DNAJC12: variants seen among roughly 807,000 people sequenced by gnomAD.
DNAJC12 encodes DnaJ heat shock protein family (Hsp40) member C12.
A neutral mutation model predicts 28.5 loss-of-function variants in DNAJC12; 25 were observed. That is an observed-to-expected ratio of 0.88 (90% CI 0.64 to 1.22). The LOEUF is 1.22. DNAJC12 is among the 50% of genes most tolerant of loss of function. DNAJC12 has a pLI of 0.00. For missense variants in DNAJC12, 222 were observed against 231.7 expected (o/e 0.96, Z 0.27); for synonymous variants, 77 against 80.6 (o/e 0.95, Z 0.24).
intron 1 of DNAJC12, among the ~76,000 whole-genome samples, chr10:67,835,717 GACACACACACACAC>G (rs34238470): frequency 8.4e-6 from 1 of 118,954 alleles, no homozygotes; most frequent in Non-Finnish European, 1.9e-5. Context: ...GAGAAAAAAT[GACACACACACACAC>G]ACACACACAC....
rs1350099646 is a variant in DNAJC12, at chr10:67,811,624, A to G, written c.197T>C (p.Leu66Pro). The G allele has an allele frequency of 6.2e-7, 1 of 1,614,124 alleles. No homozygotes were observed. The highest frequency in any genetic ancestry group is 2.2e-5 in the East Asian group (1 of 44,888). ...FQKLQKAKEILTNEESRARYD... is the reference protein window; with the variant it reads ...FQKLQKAKEIPTNEESRARYD... ...GCGGGCTCGACTCTCTTCATTGGTC[A>G]GAATCTCCTTTGCCTTCTGCAGTTT... The change falls in exon 3 of 5, where the codon CTG becomes CCG. Residue 66 changes from leucine to proline, a missense_variant. Coordinates refer to ENST00000225171, the MANE Select transcript of DNAJC12 (RefSeq NM_021800.3).
At chr10:67,819,457 G>A (rs1841949607) in intron 2 of DNAJC12, among the ~76,000 whole-genome samples, 1 of 151,232 alleles carries the variant, frequency 6.6e-6, no homozygotes, top group African/African-American at 2.4e-5. Context: ...TGGCAAACAT[G>A]GTGAAACCCC....
At chr10:67,829,532 T>C (rs1842071865) in intron 1 of DNAJC12, among the ~76,000 whole-genome samples, 1 of 151,992 alleles carries the variant, frequency 6.6e-6, no homozygotes, top group African/African-American at 2.4e-5. Context: ...TTCCAGCTAC[T>C]CCGGAGGCTG....
chr10:67,809,944 T>C (rs975750578), intron 3 of DNAJC12, among the ~76,000 whole-genome samples: 5 of 152,130 alleles, frequency 3.3e-5, no homozygotes, highest in African/African-American at 4.8e-5. Flanking sequence ...TTCACCACCA[T>C]ACAATTCATC....
intron 1 of DNAJC12, among the ~76,000 whole-genome samples, chr10:67,828,765 T>G (rs1842062742): frequency 6.6e-6 from 1 of 152,004 alleles, no homozygotes; most frequent in Non-Finnish European, 1.5e-5. Context: ...GGAATTTGTC[T>G]AAGGAGATAA....
chr10:67,821,271 C>T (rs902001142), intron 2 of DNAJC12, among the ~76,000 whole-genome samples: 1 of 151,982 alleles, frequency 6.6e-6, no homozygotes, highest in African/African-American at 2.4e-5. Context: ...AATCCCAGCA[C>T]TTTGGGAGGC....
At chr10:67,803,266 T>A (rs1841766213) in intron 4 of DNAJC12, among the ~76,000 whole-genome samples, 1 of 152,150 alleles carries the variant, frequency 6.6e-6, no homozygotes, top group Non-Finnish European at 1.5e-5. Context: ...ATACAACTCA[T>A]CAGTGAAAAG....
intron 1 of DNAJC12, among the ~76,000 whole-genome samples, chr10:67,831,137 G>C (rs554970201): frequency 5.3e-5 from 8 of 152,296 alleles, no homozygotes; most frequent in Admixed American, 4.6e-4. Flanking sequence ...GCAGTGAGCT[G>C]AGATCGCACC....
At chr10:67,804,079 G>T (rs746549842) in intron 4 of DNAJC12, among the ~76,000 whole-genome samples, 1 of 152,186 alleles carries the variant, frequency 6.6e-6, no homozygotes, top group Admixed American at 6.5e-5. Flanking sequence ...GTTCAGGAAC[G>T]TTCTGCTTAA....
chr10:67,821,243 A>G (rs2131806430), intron 2 of DNAJC12, among the ~76,000 whole-genome samples: 1 of 152,284 alleles, frequency 6.6e-6, no homozygotes, highest in African/African-American at 2.4e-5. Context: ...AAGGCCAGGC[A>G]CAGTGACTAA....
chr10:67,821,772 G>A (rs186391908), intron 2 of DNAJC12, among the ~76,000 whole-genome samples: 125 of 152,256 alleles, frequency 8.2e-4, no homozygotes, highest in Middle Eastern at 3.4e-3. Flanking sequence ...TACAGCAATG[G>A]CACCCAGCAT....
intron 1 of DNAJC12, chr10:67,825,666 C>T (rs1450699440): frequency 1.2e-3 from 2 of 1,666 alleles, no homozygotes; most frequent in East Asian, 0.12. Context: ...TTATCAGTTC[C>T]GTGTCATCCT....
chr10:67,811,628 T>A lies in DNAJC12; in HGVS notation c.193A>T (p.Ile65Phe), dbSNP rs1841861365. The A allele has an allele frequency of 6.2e-7, 1 of 1,613,950 alleles. No homozygotes were observed. Among genetic ancestry groups the A allele is most frequent in the African/African-American group, 1.3e-5 (1 of 74,918 alleles). ...TFQKLQKAKEILTNEESRARY... is the reference protein window; with the variant it reads ...TFQKLQKAKEFLTNEESRARY... ...GCTCGACTCTCTTCATTGGTCAGAATCTCCTTTGCCTTCTGCAGTTTCTGA... is the reference window on the plus strand; with the variant it reads ...GCTCGACTCTCTTCATTGGTCAGAAACTCCTTTGCCTTCTGCAGTTTCTGA... Residue 65 changes from isoleucine to phenylalanine, a missense_variant, in exon 3 of 5, where the codon ATT becomes TTT. By Grantham distance (21) the Ile-to-Phe change is conservative. Coordinates refer to ENST00000225171, the MANE Select transcript of DNAJC12 (RefSeq NM_021800.3).
intron 2 of DNAJC12, among the ~76,000 whole-genome samples, chr10:67,815,519 A>AAG (rs893490213): frequency 3.3e-5 from 5 of 150,950 alleles, no homozygotes; most frequent in Non-Finnish European, 7.4e-5. Flanking sequence ...AAAAAAAAAA[A>AAG]AAAAAAAAGA....
chr10:67,803,791 A>G (rs1034355355), intron 4 of DNAJC12, among the ~76,000 whole-genome samples: 1 of 152,230 alleles, frequency 6.6e-6, no homozygotes, highest in Non-Finnish European at 1.5e-5. Flanking sequence ...TGCTTAAAAC[A>G]CTGTTTTTCT....
At chr10:67,826,788 ATT>A (rs1842038730) in intron 1 of DNAJC12, among the ~76,000 whole-genome samples, 1 of 120,640 alleles carries the variant, frequency 8.3e-6, no homozygotes, top group South Asian at 2.4e-4. Flanking sequence ...AATATATATC[ATT>A]AGATATCAGA....
chr10:67,819,735 G>A lies in DNAJC12; in HGVS notation c.157+3579C>T, dbSNP rs1325034225. 3.7e-3 allele frequency among the ~76,000 whole-genome samples: 74 copies of A among 20,226 alleles called. 1 individual carries two copies. Among genetic ancestry groups the A allele is most frequent in the African/African-American group, 7.4e-3 (34 of 4,600 alleles). The allele number at this position is 20,226 out of a possible 152,430, so 13.3% of individuals were successfully genotyped here. On this transcript the variant is annotated intron_variant, in intron 2 of 4. Transcript: ENST00000225171. ...GGAAGGAAGCAAGGAAGGAAGGAAG[G>A]AAGGAAGGAAGGAAGGAAGGAAGGA...
At chr10:67,818,232 A>G (rs1214285848) in intron 2 of DNAJC12, among the ~76,000 whole-genome samples, 1 of 152,172 alleles carries the variant, frequency 6.6e-6, no homozygotes, top group African/African-American at 2.4e-5. Flanking sequence ...TATTTTCATC[A>G]GTAACCTTAA....
At chr10:67,811,440 A>C in intron 3 of DNAJC12, 84 bp downstream of exon 3, 1 of 1,577,676 alleles carries the variant, frequency 6.3e-7, no homozygotes, top group Non-Finnish European at 8.6e-7. Flanking sequence ...CTATCGCCTA[A>C]TGACTCTTTA....
Sources: gnomAD v4.1 joint callset for allele counts (sites outside exome capture counted in the v4.1 genomes callset) on GRCh38, gnomAD v4.1.1 for gene constraint, MANE v1.5 for transcripts, NCBI Gene and HGNC (gene_info 2026-07-23, HGNC 2026-07-21) for gene names.